CSMD1: variants seen among roughly 807,000 people sequenced by gnomAD.
CSMD1 encodes the protein CUB and Sushi multiple domains 1.
Under a neutral mutation model 417.5 loss-of-function variants are expected in CSMD1, and 213 were observed. The observed-to-expected ratio is 0.51, with a 90% CI of 0.46 to 0.57. The LOEUF (loss-of-function observed/expected upper bound fraction) is 0.57. Ranked by LOEUF, CSMD1 falls within the 20% of genes least tolerant of loss-of-function variation. CSMD1 has a pLI of 0.00. For synonymous variants in CSMD1, 2,862 were observed against 1,736.8 expected (o/e 1.65, Z -16.11); for missense variants, 6,923 against 4,529.7 (o/e 1.53, Z -15.17).
chr8:3,757,390 CT>C (rs1054172277), intron 5 of CSMD1, among the ~76,000 whole-genome samples: 12 of 152,182 alleles, frequency 7.9e-5, no homozygotes, highest in Non-Finnish European at 1.6e-4. Flanking sequence ...TCCAATAACA[CT>C]TTATTTACGG....
At chr8:4,128,345 G>A (rs1802888804) in intron 3 of CSMD1, among the ~76,000 whole-genome samples, 3 of 152,130 alleles carry the variant, frequency 2.0e-5, no homozygotes, top group African/African-American at 7.2e-5. Flanking sequence ...ACAAGAACGT[G>A]AACCAAGTAA....
At chr8:4,329,805 C>G (rs1355933411) in intron 3 of CSMD1, among the ~76,000 whole-genome samples, 2 of 151,822 alleles carry the variant, frequency 1.3e-5, no homozygotes, top group Non-Finnish European at 2.9e-5. Context: ...TCCAAGTTCT[C>G]ATGAGATGTG....
intron 26 of CSMD1, among the ~76,000 whole-genome samples, chr8:3,247,427 C>T (rs1008482096): frequency 2.0e-5 from 3 of 152,170 alleles, no homozygotes; most frequent in African/African-American, 7.2e-5. Context: ...TTTCCATGCT[C>T]CTTGTATCTC....
intron 18 of CSMD1, among the ~76,000 whole-genome samples, chr8:3,385,207 A>T (rs1198453361): frequency 6.2e-5 from 9 of 146,010 alleles, no homozygotes; most frequent in African/African-American, 2.3e-4. Flanking sequence ...ATAGAAATGT[A>T]AAATCATATA....
intron 7 of CSMD1, among the ~76,000 whole-genome samples, chr8:3,678,412 C>G (rs960507754): frequency 6.6e-6 from 1 of 151,954 alleles, no homozygotes; most frequent in Non-Finnish European, 1.5e-5. Flanking sequence ...ACAGCCGATT[C>G]GATCAACTGG....
At chr8:3,867,891 C>A (rs559001608) in intron 5 of CSMD1, among the ~76,000 whole-genome samples, 1 of 151,944 alleles carries the variant, frequency 6.6e-6, no homozygotes, top group Non-Finnish European at 1.5e-5. Flanking sequence ...GAACCGTTCC[C>A]AAGACTCTGT....
intron 2 of CSMD1, among the ~76,000 whole-genome samples, chr8:4,579,453 G>T (rs367690942): frequency 2.0e-5 from 3 of 151,870 alleles, no homozygotes. Flanking sequence ...CCGCCTCCCA[G>T]GTTCAAGTAA....
intron 10 of CSMD1, among the ~76,000 whole-genome samples, chr8:3,540,249 C>T (rs1349663652): frequency 6.6e-6 from 1 of 152,146 alleles, no homozygotes; most frequent in African/African-American, 2.4e-5. Context: ...CTTCCTGATT[C>T]AACTTACTTG....
At chr8:4,133,708 T>G (rs977646784) in intron 3 of CSMD1, among the ~76,000 whole-genome samples, 4 of 8,050 alleles carry the variant, frequency 5.0e-4, no homozygotes, top group Non-Finnish European at 0.01. Context: ...ATACATAAAG[T>G]GTAATCTCAA....
intron 7 of CSMD1, among the ~76,000 whole-genome samples, chr8:3,665,532 G>GAT (rs1221479747): frequency 5.9e-5 from 9 of 151,990 alleles, no homozygotes; most frequent in Middle Eastern, 6.8e-3. Context: ...CCATCTCAAA[G>GAT]ATATATATAT....
intron 7 of CSMD1, among the ~76,000 whole-genome samples, chr8:3,651,297 A>C (rs988936977): frequency 2.6e-5 from 4 of 152,124 alleles, no homozygotes; most frequent in African/African-American, 7.2e-5. Flanking sequence ...TAAAAGCCCA[A>C]ATCCTTACAT....
intron 33 of CSMD1, among the ~76,000 whole-genome samples, chr8:3,193,445 G>T (rs763560058): frequency 2.0e-5 from 3 of 152,156 alleles, no homozygotes; most frequent in Non-Finnish European, 4.4e-5. Context: ...AGACATCACA[G>T]CTCCACGGAA....
rs113776773 is a variant in CSMD1, at chr8:4,530,405, C to T, written c.302+106937G>A. On this transcript the variant is annotated intron_variant, in intron 2 of 69. Coordinates refer to ENST00000635120, the MANE Select transcript of CSMD1 (RefSeq NM_033225.6). ...GGTTTGTTACATAGGAATACATTTG[C>T]CATGGTGGTTTGCTGCATCTACCAA... is the stretch of plus-strand genomic sequence containing the variant. 3.1e-3 allele frequency among the ~76,000 whole-genome samples: 411 copies of T among 132,030 alleles called. 1 individual carries two copies. The highest frequency in any genetic ancestry group is 0.015 in the Middle Eastern group (3 of 198). 86.6% of individuals were successfully genotyped at this position (132,030 alleles called of 152,430 possible).
At chr8:4,121,480 C>A (rs1241827723) in intron 3 of CSMD1, among the ~76,000 whole-genome samples, 5 of 152,174 alleles carry the variant, frequency 3.3e-5, no homozygotes, top group Non-Finnish European at 7.3e-5. Context: ...CTTCTAGTTA[C>A]TTTCCTATTT....
At chr8:4,747,493 G>A (rs923357011) in intron 1 of CSMD1, among the ~76,000 whole-genome samples, 1 of 152,162 alleles carries the variant, frequency 6.6e-6, no homozygotes, top group African/African-American at 2.4e-5. Flanking sequence ...CTCCTAAGTA[G>A]AGAAACATTT....
chr8:3,282,444 A>T (rs893585132), intron 26 of CSMD1, among the ~76,000 whole-genome samples: 1 of 152,222 alleles, frequency 6.6e-6, no homozygotes, highest in Non-Finnish European at 1.5e-5. Context: ...ATAATCTCAT[A>T]ACTTTCTCAA....
chr8:3,226,416 C>G (rs1006496744), intron 27 of CSMD1, among the ~76,000 whole-genome samples: 1 of 151,932 alleles, frequency 6.6e-6, no homozygotes, highest in African/African-American at 2.4e-5. Flanking sequence ...AACCTAGTCT[C>G]TACTAAAAAT....
chr8:3,353,215 C>T (rs1308163079), intron 21 of CSMD1, among the ~76,000 whole-genome samples: 1 of 152,162 alleles, frequency 6.6e-6, no homozygotes, highest in Non-Finnish European at 1.5e-5. Flanking sequence ...AGGGAAGCAA[C>T]TTTCTGAATG....
At chr8:4,751,797 C>G (rs73661113) in intron 1 of CSMD1, among the ~76,000 whole-genome samples, 3 of 152,104 alleles carry the variant, frequency 2.0e-5, no homozygotes, top group African/African-American at 7.2e-5. Context: ...AGCTCTGCCC[C>G]GTACATGCAG....
Sources: gnomAD v4.1 joint callset for allele counts (sites outside exome capture counted in the v4.1 genomes callset) on GRCh38, gnomAD v4.1.1 for gene constraint, MANE v1.5 for transcripts, NCBI Gene and HGNC (gene_info 2026-07-23, HGNC 2026-07-21) for gene names.